N4BP2: variants seen among roughly 807,000 people sequenced by gnomAD.
The protein encoded by N4BP2 is NEDD4-binding protein 2.
Under a neutral mutation model 152.8 loss-of-function variants are expected in N4BP2, and 91 were observed. The ratio of observed to expected loss-of-function variants is 0.60; its 90% CI spans 0.50 to 0.71. N4BP2 has a LOEUF of 0.71. Among genes scored for constraint, N4BP2 ranks in the 30% least tolerant of loss-of-function variants. The pLI, the probability that N4BP2 is intolerant of heterozygous loss-of-function variation, is 0.00. For synonymous variants in N4BP2, 646 were observed against 705.3 expected, an observed-to-expected ratio of 0.92 and a Z score of 1.33; for missense variants, 1,923 against 2,059.1, an observed-to-expected ratio of 0.93 and a Z score of 1.28.
chr4:40,145,080 T>G (rs1393193200), intron 16 of N4BP2, among the ~76,000 whole-genome samples: 1 of 152,242 alleles, frequency 6.6e-6, no homozygotes, highest in East Asian at 1.9e-4. Context: ...AATGAGACCT[T>G]TCAGGAATAT....
At chr4:40,123,454 G>A (rs997834076) in intron 10 of N4BP2, among the ~76,000 whole-genome samples, 2 of 151,856 alleles carry the variant, frequency 1.3e-5, no homozygotes, top group African/African-American at 4.8e-5. Context: ...TATAATTAGC[G>A]ATGGAGCTCA....
intron 2 of N4BP2, 66 bp from the exon 3 acceptor site, chr4:40,097,161 T>C: frequency 3.7e-6 from 2 of 547,184 alleles, no homozygotes; most frequent in South Asian, 2.5e-5. Flanking sequence ...TAAATAAAGA[T>C]GTCATTCCGA....
chr4:40,131,949 C>G, intron 13 of N4BP2, 30 bp downstream of exon 13: 1 of 1,298,908 alleles, frequency 7.7e-7, no homozygotes. Context: ...TCTGTAGTTT[C>G]TACTCTGATG....
chr4:40,153,729 A>C (rs1020887611), intron 17 of N4BP2, among the ~76,000 whole-genome samples: 1 of 152,232 alleles, frequency 6.6e-6, no homozygotes, highest in African/African-American at 2.4e-5. Context: ...TAAAAGGAGT[A>C]GTTAGACCAG....
At position 40,116,838 on chromosome 4, in the gene N4BP2, G is replaced by T. The variant is rs374043860; in HGVS notation, c.1665-1031G>T. Among the ~76,000 whole-genome samples the T allele has an allele frequency of 6.0e-4, 91 of 152,084 alleles. 1 individual carries two copies. The South Asian group carries it at 0.019, about 31-fold the overall frequency. ...TCATTCTTGTAAGATACTTTTGCTGGATATGTATATTCTATACTGACAGTT... is the reference window on the plus strand; with the variant it reads ...TCATTCTTGTAAGATACTTTTGCTGTATATGTATATTCTATACTGACAGTT... On this transcript the variant is annotated intron_variant, in intron 7 of 17. Coordinates refer to ENST00000261435, the MANE Select transcript of N4BP2 (RefSeq NM_018177.6).
In N4BP2 at chr4:40,102,834, A is replaced by G; in HGVS notation, c.989A>G (p.Lys330Arg). ...GAAGGGTTCAACTTCAAGCCACACA[A>G]ACATCCTGAACTGCCAACTAAGGGG... ...PSEGFNFKPH[K>R]HPELPTKGKD... Residue 330 changes from lysine (K) to arginine (R), a missense_variant, in exon 4 of 18, where the codon AAA (lysine) becomes AGA (arginine). Lys to Arg is a conservative substitution (Grantham distance 26). Transcript: ENST00000261435. 1 of 1,614,114 alleles carries G rather than the reference A, an allele frequency of 6.2e-7. No individual in the cohort carries two copies. Among genetic ancestry groups the G allele is most frequent in the Admixed American group, 1.7e-5 (1 of 60,010 alleles).
chr4:40,168,118 A>G, the N4BP2 span, among the ~76,000 whole-genome samples: 2 of 152,188 alleles, frequency 1.3e-5, no homozygotes, highest in African/African-American at 4.8e-5. Context: ...AAACAAAGGA[A>G]TAAATTGTAA....
At chr4:40,175,924 A>G in the N4BP2 span, among the ~76,000 whole-genome samples, 1 of 150,920 alleles carries the variant, frequency 6.6e-6, no homozygotes, top group Non-Finnish European at 1.5e-5. Context: ...CCCCGTCTCT[A>G]CTAAGAATAC....
At chr4:40,146,070 G>A (rs1391953267) in intron 16 of N4BP2, among the ~76,000 whole-genome samples, 2 of 151,944 alleles carry the variant, frequency 1.3e-5, no homozygotes, top group Non-Finnish European at 1.5e-5. Flanking sequence ...GCTGAGGCAG[G>A]GAGAATTACT....
intron 2 of N4BP2, among the ~76,000 whole-genome samples, chr4:40,088,502 G>A (rs1473435487): frequency 3.6e-5 from 5 of 139,498 alleles, no homozygotes; most frequent in Non-Finnish European, 7.7e-5. Context: ...TCTCATTATA[G>A]TTTTTTTTTT....
At chr4:40,085,922 A>G (rs1713897453) in intron 2 of N4BP2, among the ~76,000 whole-genome samples, 1 of 152,084 alleles carries the variant, frequency 6.6e-6, no homozygotes. Flanking sequence ...GCACTTTGGG[A>G]GGCTGAGGCA....
the N4BP2 span, among the ~76,000 whole-genome samples, chr4:40,181,409 T>C: frequency 1.3e-5 from 2 of 152,136 alleles, no homozygotes; most frequent in Non-Finnish European, 2.9e-5. Flanking sequence ...ACATATCAAT[T>C]AGGATTAGAT....
At chr4:40,065,881 A>G (rs1733999189) in intron 1 of N4BP2, among the ~76,000 whole-genome samples, 1 of 151,990 alleles carries the variant, frequency 6.6e-6, no homozygotes, top group African/African-American at 2.4e-5. Flanking sequence ...GAGTACAAGT[A>G]TCTAGTAGAG....
At chr4:40,112,667 A>G (rs1579055121) in intron 6 of N4BP2, among the ~76,000 whole-genome samples, 1 of 148,968 alleles carries the variant, frequency 6.7e-6, no homozygotes, top group Non-Finnish European at 1.5e-5. Context: ...CCTATACCTA[A>G]TCCTCTTCTT....
In N4BP2 at chr4:40,120,393, C is replaced by T; in HGVS notation, c.2282C>T (p.Thr761Ile). 1 of 1,613,658 alleles carries T rather than the reference C, an allele frequency of 6.2e-7. No individual in the cohort carries two copies. The highest frequency in any genetic ancestry group is 1.1e-5 in the South Asian group (1 of 91,068). The change falls in exon 9 of 18, where the codon ACA (threonine) becomes ATA (isoleucine). Residue 761 changes from threonine (T) to isoleucine (I), a missense_variant. Transcript: ENST00000261435. ...SPGEIVEERA[T>I]VTKKAFGKQK... ...GGTGAAATAGTGGAAGAAAGAGCAA[C>T]AGTAACGAAAAAAGCCTTTGGGAAA...
rs1490118394 is a variant in N4BP2, at chr4:40,087,666, A to G, written c.-114-9561A>G. Among the ~76,000 whole-genome samples the G allele has an allele frequency of 2.6e-5, 4 of 151,886 alleles. No individual in the cohort carries two copies. In the East Asian group the frequency reaches 7.8e-4, roughly 29 times the overall value. On this transcript the variant is annotated intron_variant, in intron 2 of 17. Coordinates refer to ENST00000261435, the MANE Select transcript of N4BP2 (RefSeq NM_018177.6). ...GGCACGAGCCACCTTCCCCCACTCC[A>G]CGTGCACCCCGCCCCCTCCGCCCAA...
intron 2 of N4BP2, among the ~76,000 whole-genome samples, chr4:40,083,499 CAGTATCGGTGA>C (rs1713609981): frequency 6.6e-6 from 1 of 152,156 alleles, no homozygotes; most frequent in African/African-American, 2.4e-5. Context: ...TATTTTCTAG[CAGTATCGGTGA>C]AGTACCAATA....
At chr4:40,185,443 T>C in the N4BP2 span, among the ~76,000 whole-genome samples, 1 of 152,178 alleles carries the variant, frequency 6.6e-6, no homozygotes, top group African/African-American at 2.4e-5. Context: ...AAAGTATTTT[T>C]AGAAATCTCA....
rs1481885779 is a variant in N4BP2 at position 40,107,027 on chromosome 4, A to G, written c.1498+3A>G. On this transcript the variant is annotated splice_donor_region_variant and intron_variant, in intron 5 of 17. Transcript: ENST00000261435. ...ACATGAATGGAACCAGAATCGTGGT[A>G]AGAACAGATAATCAGATTCTGGGTA... The G allele has an allele frequency of 3.1e-6, 5 of 1,612,100 alleles. No homozygotes were observed. The highest frequency in any genetic ancestry group is 2.5e-6 in the Non-Finnish European group (3 of 1,179,306).
Sources: allele counts gnomAD v4.1 joint callset (sites outside exome capture counted in the v4.1 genomes callset), GRCh38; gene constraint gnomAD v4.1.1; transcripts MANE v1.5; gene names NCBI Gene and HGNC (gene_info 2026-07-23, HGNC 2026-07-21).